The following OSBP2 variants were observed in gnomAD, a reference collection of about 807,000 sequenced individuals.
OSBP2 encodes oxysterol binding protein 2, also known as oxysterol-binding protein 2.
OSBP2 carries 66 observed loss-of-function variants against 96.0 expected under a neutral mutation model. The observed-to-expected ratio is 0.69, with a 90% CI of 0.56 to 0.84. The LOEUF is 0.84. Ranked by LOEUF, OSBP2 falls within the 40% of genes least tolerant of loss-of-function variation. The pLI is 0.00. For synonymous variants in OSBP2, 525 were observed against 520.9 expected (o/e 1.01, Z -0.11); for missense variants, 1,038 against 1,222.7 (o/e 0.85, Z 2.25).
chr22:30,734,419 C>G (rs181339330), intron 1 of OSBP2, among the ~76,000 whole-genome samples: 1 of 152,174 alleles, frequency 6.6e-6, no homozygotes, highest in Non-Finnish European at 1.5e-5. Context: ...AGAGGAGTTA[C>G]CACTGCAGCT....
chr22:30,850,712 T>A (rs1427035732), intron 2 of OSBP2, among the ~76,000 whole-genome samples: 1 of 152,188 alleles, frequency 6.6e-6, no homozygotes, highest in Non-Finnish European at 1.5e-5. Flanking sequence ...TTGGCCATGC[T>A]GGTCTTGAAC....
chr22:30,733,410 A>T (rs2089808687), intron 1 of OSBP2, among the ~76,000 whole-genome samples: 1 of 152,206 alleles, frequency 6.6e-6, no homozygotes, highest in Non-Finnish European at 1.5e-5. Flanking sequence ...GGGATAAATG[A>T]AGAGCATTTC....
intron 2 of OSBP2, among the ~76,000 whole-genome samples, chr22:30,835,719 T>C (rs2038616159): frequency 2.2e-5 from 2 of 89,742 alleles, no homozygotes; most frequent in Admixed American, 2.2e-4. Context: ...ATGTAGTTAC[T>C]TTTTTTTTTT....
intron 1 of OSBP2, among the ~76,000 whole-genome samples, chr22:30,712,780 A>G (rs1420083704): frequency 1.3e-5 from 2 of 152,166 alleles, no homozygotes; most frequent in South Asian, 2.1e-4. Flanking sequence ...CATTATGGAC[A>G]TAACCTCAGC....
At chr22:30,761,889 G>A (rs532539696) in intron 2 of OSBP2, among the ~76,000 whole-genome samples, 1 of 152,296 alleles carries the variant, frequency 6.6e-6, no homozygotes, top group South Asian at 2.1e-4. Flanking sequence ...ACATCCATAT[G>A]CAATAAAATG....
intron 2 of OSBP2, among the ~76,000 whole-genome samples, chr22:30,854,026 A>C (rs942835246): frequency 1.3e-5 from 2 of 152,046 alleles, no homozygotes; most frequent in Non-Finnish European, 2.9e-5. Flanking sequence ...CCTAAAGTGC[A>C]GGGATTACAG....
chr22:30,740,050 T>A (rs1414661604), intron 1 of OSBP2, among the ~76,000 whole-genome samples: 2 of 152,178 alleles, frequency 1.3e-5, no homozygotes, highest in African/African-American at 4.8e-5. Flanking sequence ...TTCACCATGT[T>A]GGCCAGCTGG....
chr22:30,705,679 G>A (rs1239617500), intron 1 of OSBP2, among the ~76,000 whole-genome samples: 1 of 152,158 alleles, frequency 6.6e-6, no homozygotes, highest in African/African-American at 2.4e-5. Context: ...CTCAGGGAGG[G>A]TCTGTTAATC....
intron 2 of OSBP2, among the ~76,000 whole-genome samples, chr22:30,793,118 G>A (rs149436501): frequency 9.8e-5 from 15 of 152,318 alleles, no homozygotes; most frequent in East Asian, 3.9e-4. Context: ...AGCCGGGTGC[G>A]GTGGCTCACG....
chr22:30,898,811 T>A (rs1363247370), intron 12 of OSBP2, among the ~76,000 whole-genome samples: 3 of 151,096 alleles, frequency 2.0e-5, no homozygotes, highest in African/African-American at 7.3e-5. Context: ...ATTGCTTGAG[T>A]TGAAGAATTT....
chr22:30,805,374 G>A (rs1215609407), intron 2 of OSBP2, among the ~76,000 whole-genome samples: 1 of 152,230 alleles, frequency 6.6e-6, no homozygotes, highest in Non-Finnish European at 1.5e-5. Context: ...TTAAATGTGA[G>A]GGATGGTAGC....
chr22:30,779,157 C>T (rs1028775125), intron 2 of OSBP2, among the ~76,000 whole-genome samples: 2 of 151,678 alleles, frequency 1.3e-5, no homozygotes, highest in Admixed American at 6.6e-5. Context: ...TCTCGGCTCA[C>T]TGCAACCTCT....
intron 2 of OSBP2, among the ~76,000 whole-genome samples, chr22:30,755,737 C>T (rs1370049893): frequency 6.6e-6 from 1 of 152,198 alleles, no homozygotes; most frequent in Admixed American, 6.5e-5. Flanking sequence ...TTCACCTACG[C>T]AGCCCCCACC....
intron 2 of OSBP2, among the ~76,000 whole-genome samples, chr22:30,811,496 C>A (rs895434560): frequency 4.0e-5 from 6 of 151,368 alleles, no homozygotes; most frequent in African/African-American, 9.7e-5. Context: ...CAGGCATGCA[C>A]CACCATGCGT....
chr22:30,868,321 AG>A (rs2039387719), intron 2 of OSBP2, among the ~76,000 whole-genome samples: 1 of 152,162 alleles, frequency 6.6e-6, no homozygotes, highest in African/African-American at 2.4e-5. Context: ...GCCTGCAGGG[AG>A]GGAAGAATAG....
chr22:30,841,833 A>T (rs2038758714), intron 2 of OSBP2, among the ~76,000 whole-genome samples: 1 of 152,188 alleles, frequency 6.6e-6, no homozygotes, highest in Admixed American at 6.5e-5. Context: ...ACTTGTCTGT[A>T]CCAAAAACAA....
At chr22:30,764,270 C>T in intron 2 of OSBP2, 1 of 972,626 alleles carries the variant, frequency 1.0e-6, no homozygotes, top group Non-Finnish European at 1.2e-6. Flanking sequence ...CTAGAGCAGG[C>T]AGTAGAGTGG....
At position 30,709,484 on chromosome 22, in the gene OSBP2, A is replaced by G. The variant is rs8138084; in HGVS notation, c.644+13931A>G. Reference sequence around the variant, plus strand: ...TGATGTTAGCAGCTAGTGATGATCAATCTTAGATTAGTCTAATTGTTTTTT... The same window carrying G: ...TGATGTTAGCAGCTAGTGATGATCAGTCTTAGATTAGTCTAATTGTTTTTT... On this transcript the variant is annotated intron_variant, in intron 1 of 13. Coordinates refer to ENST00000332585, the MANE Select transcript of OSBP2 (RefSeq NM_030758.4). Among the ~76,000 whole-genome samples, 1,266 of 151,958 alleles carry G rather than the reference A, an allele frequency of 8.3e-3. 22 individuals carry two copies. The highest frequency in any genetic ancestry group is 0.027 in the African/African-American group (1,119 of 41,442).
At chr22:30,781,558 C>T (rs2090519704) in intron 2 of OSBP2, among the ~76,000 whole-genome samples, 1 of 152,166 alleles carries the variant, frequency 6.6e-6, no homozygotes, top group Non-Finnish European at 1.5e-5. Flanking sequence ...GGAATCCTAT[C>T]TGATATACCT....
Sources: allele counts gnomAD v4.1 joint callset (sites outside exome capture counted in the v4.1 genomes callset), GRCh38; gene constraint gnomAD v4.1.1; transcripts MANE v1.5; gene names NCBI Gene and HGNC (gene_info 2026-07-23, HGNC 2026-07-21).